IL2RB: variants seen among roughly 807,000 people sequenced by gnomAD.
IL2RB encodes interleukin-2 receptor subunit beta.
Under a neutral mutation model 44.2 loss-of-function variants are expected in IL2RB, and 17 were observed. The observed-to-expected ratio is 0.38, with a 90% confidence interval of 0.26 to 0.58. The LOEUF (loss-of-function observed/expected upper bound fraction) is 0.58, where lower values mean the gene tolerates loss of function less well. Among genes scored for constraint, IL2RB ranks in the 20% least tolerant of loss-of-function variants. IL2RB has a pLI of 0.63. For missense variants in IL2RB, 624 were observed against 685.5 expected, an observed-to-expected ratio of 0.91 and a Z score of 1.00; for synonymous variants, 286 against 297.9, an observed-to-expected ratio of 0.96 and a Z score of 0.41.
At chr22:37,154,036 C>A (rs1922586061), upstream of IL2RB, among the ~76,000 whole-genome samples, 1 of 152,176 alleles carries the variant, frequency 6.6e-6, no homozygotes, top group Non-Finnish European at 1.5e-5. Context: ...CCCCAAAGAC[C>A]AGGTCAGACA....
intron 9 of IL2RB, among the ~76,000 whole-genome samples, chr22:37,130,489 G>A (rs228947): frequency 0.25 from 38,600 of 152,134 alleles, 5,070 homozygotes; most frequent in Admixed American, 0.32. Flanking sequence ...GGGTCCTAGG[G>A]TGGAGGGGTA....
At chr22:37,143,450 G>T in intron 3 of IL2RB, 71 bp downstream of exon 3, 1 of 1,016,274 alleles carries the variant, frequency 9.8e-7, no homozygotes, top group South Asian at 1.3e-5. Flanking sequence ...ACTCCTTGGA[G>T]TCCAGTGCAT....
At chr22:37,145,407 T>A (rs1439125972) in intron 1 of IL2RB, among the ~76,000 whole-genome samples, 1 of 151,430 alleles carries the variant, frequency 6.6e-6, no homozygotes, top group African/African-American at 2.4e-5. Flanking sequence ...CACTGGCCAC[T>A]GGCCAGTGCT....
intron 1 of IL2RB, among the ~76,000 whole-genome samples, chr22:37,168,876 G>A (rs1319229716): frequency 6.6e-6 from 1 of 152,234 alleles, no homozygotes; most frequent in African/African-American, 2.4e-5. Flanking sequence ...GCTTATATAG[G>A]GGTTCTGCTT....
intron 1 of IL2RB, among the ~76,000 whole-genome samples, chr22:37,172,349 C>T (rs1026055442): frequency 6.6e-6 from 1 of 152,220 alleles, no homozygotes; most frequent in African/African-American, 2.4e-5. Context: ...CTGGCTGCAC[C>T]TCCTAATGCA....
At chr22:37,129,142 T>C (rs2146224858) in intron 9 of IL2RB, among the ~76,000 whole-genome samples, 2 of 152,336 alleles carry the variant, frequency 1.3e-5, no homozygotes, top group Middle Eastern at 3.4e-3. Flanking sequence ...TGACTGTTTA[T>C]TGGACACCTG....
intron 1 of IL2RB, among the ~76,000 whole-genome samples, chr22:37,148,873 A>T (rs1354405425): frequency 1.3e-5 from 2 of 151,974 alleles, no homozygotes; most frequent in Non-Finnish European, 2.9e-5. Flanking sequence ...GTAAAGCAGG[A>T]GCTCGGGAGC....
intron 4 of IL2RB, among the ~76,000 whole-genome samples, chr22:37,140,711 G>A (rs927453455): frequency 1.3e-5 from 2 of 152,130 alleles, no homozygotes; most frequent in African/African-American, 4.8e-5. Flanking sequence ...TGTCCTTGGA[G>A]CCCGCTGCCG....
chr22:37,144,448 A>G (rs953121286), intron 1 of IL2RB, among the ~76,000 whole-genome samples: 1 of 152,204 alleles, frequency 6.6e-6, no homozygotes, highest in African/African-American at 2.4e-5. Context: ...AGACTACATA[A>G]AGAAGCACCC....
intron 1 of IL2RB, among the ~76,000 whole-genome samples, chr22:37,155,240 C>T (rs1261887129): frequency 1.3e-5 from 2 of 152,046 alleles, no homozygotes; most frequent in African/African-American, 4.8e-5. Flanking sequence ...CATCTCCCAC[C>T]TCAGCAGGCC....
In IL2RB at chr22:37,139,656, G is replaced by A. The variant is rs547804674; in HGVS notation, c.283-434C>T. Among the ~76,000 whole-genome samples the A allele has an allele frequency of 5.3e-5, 8 of 152,246 alleles. No individual in the cohort carries two copies. In the South Asian group the frequency reaches 1.5e-3, roughly 28 times the overall value. ...TAAGCCCCCACAAAGGTACAGTTCT[G>A]GAACTATACCTGTTTAACATTTTTT... On this transcript the variant is annotated intron_variant, in intron 4 of 9. Coordinates refer to ENST00000216223, the MANE Select transcript of IL2RB (RefSeq NM_000878.5).
intron 1 of IL2RB, among the ~76,000 whole-genome samples, chr22:37,148,935 G>A (rs866259738): frequency 2.6e-5 from 4 of 152,060 alleles, no homozygotes; most frequent in Admixed American, 6.5e-5. Flanking sequence ...ATGTCCCCTC[G>A]TCCTCTCTGG....
At position 37,149,893 on chromosome 22, in the gene IL2RB, C is replaced by A. The variant is rs371187476; in HGVS notation, c.-102G>T. 80 of 985,532 alleles carry A rather than the reference C, an allele frequency of 8.1e-5. No homozygotes were observed. In the East Asian group the frequency reaches 1.0e-3, roughly 13 times the overall value. The allele number at this position is 985,532 out of a possible 1,614,324, so 61.0% of individuals were successfully genotyped here. A position where few individuals can be genotyped will look rare whatever the true frequency, so the allele number is the denominator to read the frequency against. ...TCCCCGGTGCTGGGACCGTGGCCATCTCTCCAGGGCCCTGCTGAGCTCTGG... is the reference window on the plus strand; with the variant it reads ...TCCCCGGTGCTGGGACCGTGGCCATATCTCCAGGGCCCTGCTGAGCTCTGG... On this transcript the variant is annotated 5_prime_UTR_variant, in exon 1 of 10. Transcript: ENST00000216223.
chr22:37,163,293 T>G (rs1922946870), intron 1 of IL2RB, among the ~76,000 whole-genome samples: 1 of 152,180 alleles, frequency 6.6e-6, no homozygotes, highest in Non-Finnish European at 1.5e-5. Context: ...TCCAGCTGTT[T>G]GCTGGCTTCA....
intron 1 of IL2RB, among the ~76,000 whole-genome samples, chr22:37,162,822 C>T (rs922549577): frequency 6.6e-6 from 1 of 152,114 alleles, no homozygotes; most frequent in African/African-American, 2.4e-5. Flanking sequence ...TCTGATTGAC[C>T]GCATCCTACC....
At chr22:37,160,094 C>T (rs2145735796) in intron 1 of IL2RB, among the ~76,000 whole-genome samples, 1 of 152,358 alleles carries the variant, frequency 6.6e-6, no homozygotes, top group Non-Finnish European at 1.5e-5. Context: ...CTACTGTTGA[C>T]CTCCCAACAT....
intron 3 of IL2RB, among the ~76,000 whole-genome samples, chr22:37,143,043 C>T (rs1922044948): frequency 6.6e-6 from 1 of 152,132 alleles, no homozygotes; most frequent in African/African-American, 2.4e-5. Flanking sequence ...TCACTGGCCG[C>T]CTGGATGTTT....
Position 37,128,327 on chromosome 22 carries a change from G to A in IL2RB, c.1425C>T (p.Pro475=). Residue 475 remains proline, a synonymous_variant, in exon 10 of 10, where the codon CCC becomes CCT. Coordinates refer to ENST00000216223, the MANE Select transcript of IL2RB (RefSeq NM_000878.5). The surrounding 1 kb of genome is among the most constrained non-coding windows in gnomAD (Gnocchi z 4.5). ...RDWDPQPLGP[P]TPGVPDLVDF... is the part of the protein sequence containing the mutation. ...CCACCAGGTCTGGGACTCCTGGGGT[G>A]GGAGGCCCCAGGGGCTGGGGGTCCC... The A allele has an allele frequency of 1.3e-6, 2 of 1,503,334 alleles. No individual in the cohort carries two copies. The highest frequency in any genetic ancestry group is 1.4e-5 in the South Asian group (1 of 72,840). The allele number at this position is 1,503,334 out of a possible 1,614,324, so 93.1% of individuals were successfully genotyped here. A position where few individuals can be genotyped will look rare whatever the true frequency, so the allele number is the denominator to read the frequency against.
At position 37,167,260 on chromosome 22, in the gene IL2RB, C is replaced by T. The variant is rs116216813; in HGVS notation, c.-34+7698G>A. Among the ~76,000 whole-genome samples the T allele has an allele frequency of 7.2e-3, 1,103 of 152,162 alleles. 16 individuals are homozygous for T. The highest frequency in any genetic ancestry group is 0.026 in the African/African-American group (1,064 of 41,492). On this transcript the variant is annotated intron_variant, in intron 1 of 5. Coordinates refer to the IL2RB transcript ENST00000429622. ...TCGGCCCTGGGTGACAGCACCCCTG[C>T]CCAGACCAGCTCTGACTGCCTCCAA... is the stretch of plus-strand genomic sequence containing the variant.
Sources: allele counts gnomAD v4.1 joint callset (sites outside exome capture counted in the v4.1 genomes callset), GRCh38; gene constraint gnomAD v4.1.1; non-coding constraint Gnocchi (gnomAD v3.1); transcripts MANE v1.5; gene names NCBI Gene and HGNC (gene_info 2026-07-23, HGNC 2026-07-21).